Variants in STRN4 observed in about 807,000 individuals in gnomAD.
STRN4 encodes the protein striatin 4.
Under a neutral mutation model 77.9 loss-of-function variants are expected in STRN4, and 27 were observed. The ratio of observed to expected loss-of-function variants is 0.35; its 90% confidence interval spans 0.26 to 0.48. The LOEUF (loss-of-function observed/expected upper bound fraction) is 0.48. Ranked by LOEUF, STRN4 falls within the 20% of genes least tolerant of loss-of-function variation. The pLI, the probability that STRN4 is intolerant of heterozygous loss-of-function variation, is 0.99. For missense variants in STRN4, 798 were observed against 1,049.7 expected (o/e 0.76, Z 3.31); for synonymous variants, 466 against 443.1 (o/e 1.05, Z -0.65).
intron 5 of STRN4, chr19:46,732,823 T>A (rs1438519158): frequency 6.9e-6 from 4 of 576,192 alleles, no homozygotes; most frequent in Non-Finnish European, 1.2e-5. Flanking sequence ...GGGCTGGAGA[T>A]GAGGCCATGG....
rs201621602 is a variant in STRN4 at position 46,722,079 on chromosome 19, C to T, written c.2006-7G>A. The T allele has an allele frequency of 6.1e-5, 99 of 1,612,388 alleles. No individual in the cohort carries two copies. Among genetic ancestry groups the T allele is most frequent in the Non-Finnish European group, 7.9e-5 (93 of 1,180,000 alleles). ...ATGGAGTGCACCGGCTTACCTGAGG[C>T]GAGAAGGGCGGGTGGCAGGTTCCCC... On this transcript the variant is annotated splice_polypyrimidine_tract_variant and splice_region_variant and intron_variant, in intron 15 of 17. Coordinates refer to ENST00000263280, the MANE Select transcript of STRN4 (RefSeq NM_013403.3).
intron 9 of STRN4, 67 bp from the exon 10 acceptor site, chr19:46,725,715 C>T: frequency 1.3e-6 from 2 of 1,566,382 alleles, no homozygotes; most frequent in East Asian, 2.3e-5. Flanking sequence ...ACACCGACAC[C>T]CAGGGCTTGA....
At chr19:46,730,206 A>G (rs1167768098) in intron 6 of STRN4, among the ~76,000 whole-genome samples, 1 of 151,884 alleles carries the variant, frequency 6.6e-6, no homozygotes, top group Non-Finnish European at 1.5e-5. Context: ...CGTGCACACC[A>G]CTCTACTTGG....
intron 1 of STRN4, 87 bp downstream of exon 1, chr19:46,746,062 C>G: frequency 1.2e-5 from 13 of 1,107,390 alleles, no homozygotes; most frequent in East Asian, 4.0e-5. Context: ...GCGGCCATTG[C>G]TCCAAGATGG....
intron 9 of STRN4, 197 bp from the exon 10 acceptor site, chr19:46,725,845 A>C: frequency 2.9e-6 from 2 of 681,348 alleles, no homozygotes; most frequent in East Asian, 5.6e-5. Flanking sequence ...ACAAGTCCCC[A>C]CACTGCGCTG....
chr19:46,745,081 G>A (rs2054553334), intron 1 of STRN4, among the ~76,000 whole-genome samples: 1 of 149,568 alleles, frequency 6.7e-6, no homozygotes, highest in Non-Finnish European at 1.5e-5. Flanking sequence ...GTTGCCTTCG[G>A]GCTCTACAAA....
chr19:46,723,156 T>C lies in STRN4; in HGVS notation c.1723A>G (p.Ser575Gly). Residue 575 changes from serine to glycine, a missense_variant, in exon 13 of 18, where the codon AGC becomes GGC. By Grantham distance (56) the Ser-to-Gly change is moderately conservative. Transcript: ENST00000263280. The surrounding 1 kb of genome is among the most constrained non-coding windows in gnomAD (Gnocchi z 5.5). The stretch of plus-strand genomic sequence containing the variant: ...GTGCAGAGGCAGGCCGGGCTGCTGC[T>C]GCTGGGGTCCCAGATGCGGACGGTG... Reference protein sequence around the residue: ...DGTVRIWDPSSSSPACLCTFP... With the variant: ...DGTVRIWDPSGSSPACLCTFP... The C allele has an allele frequency of 2.6e-6, 4 of 1,566,992 alleles. No individual in the cohort carries two copies. The highest frequency in any genetic ancestry group is 3.5e-6 in the Non-Finnish European group (4 of 1,156,858).
chr19:46,740,720 C>T (rs745770939), intron 1 of STRN4, among the ~76,000 whole-genome samples: 7 of 152,108 alleles, frequency 4.6e-5, no homozygotes, highest in Non-Finnish European at 8.8e-5. Context: ...CCCAGTAAGG[C>T]GCTGGGGAAT....
intron 1 of STRN4, among the ~76,000 whole-genome samples, chr19:46,739,144 T>C (rs1450235552): frequency 6.6e-6 from 1 of 152,092 alleles, no homozygotes; most frequent in East Asian, 1.9e-4. Context: ...GAGATAACAA[T>C]GGGGCCAGCC....
intron 1 of STRN4, 135 bp from the exon 2 acceptor site, chr19:46,739,023 A>C (rs1714517612): frequency 1.4e-6 from 1 of 720,250 alleles, no homozygotes; most frequent in Admixed American, 2.1e-5. Context: ...CCTCAGGCAC[A>C]AAGATCCCAA....
chr19:46,722,966 A>C lies in STRN4; in HGVS notation c.1766-16T>G. On this transcript the variant is annotated splice_polypyrimidine_tract_variant and intron_variant, in intron 13 of 17. Coordinates refer to ENST00000263280, the MANE Select transcript of STRN4 (RefSeq NM_013403.3). ...ACCCCGTGCTCTGAGGGCACAGGGA[A>C]GAGAAGGCTGCTGAATGGACCCTCA... is the stretch of plus-strand genomic sequence containing the variant. 1 of 1,613,332 alleles carries C rather than the reference A, an allele frequency of 6.2e-7. No homozygotes were observed. Among genetic ancestry groups the C allele is most frequent in the Non-Finnish European group, 8.5e-7 (1 of 1,179,808 alleles).
rs1019521143 is a variant in STRN4, at chr19:46,746,407, G to C, written c.24C>G (p.Ala8=). The change falls in exon 1 of 18, where the codon GCC becomes GCG. Residue 8 remains alanine, a synonymous_variant. Transcript: ENST00000263280. MMEERAA[A]AVAAAASSCR... ...AGGAGGAGGCGGCGGCGGCGACCGC[G>C]GCGGCCGCTCGCTCCTCCATCATGG... 1 of 1,050,638 alleles carries C rather than the reference G, an allele frequency of 9.5e-7. No individual in the cohort carries two copies. The highest frequency in any genetic ancestry group is 5.5e-5 in the Admixed American group (1 of 18,134). 65.1% of individuals were successfully genotyped at this position (1,050,638 alleles called of 1,614,324 possible).
chr19:46,721,925 G>T (rs766623235), intron 16 of STRN4, 61 bp downstream of exon 16: 75 of 1,593,220 alleles, frequency 4.7e-5, no homozygotes, highest in Admixed American at 4.2e-4. Flanking sequence ...CCTGGAGCCA[G>T]TGCCCAGGCC....
chr19:46,732,921 A>G, intron 5 of STRN4, 118 bp downstream of exon 5: 1 of 1,229,272 alleles, frequency 8.1e-7, no homozygotes, highest in Non-Finnish European at 1.1e-6. Context: ...AGCCCACGGC[A>G]TACTCCAGGA....
intron 1 of STRN4, chr19:46,745,818 C>A: frequency 4.5e-6 from 1 of 220,620 alleles, no homozygotes; most frequent in Non-Finnish European, 8.9e-6. Flanking sequence ...AGGAGCCCCG[C>A]GGCCAGCGTG....
chr19:46,725,096 C>G (rs919549781), intron 11 of STRN4, among the ~76,000 whole-genome samples, 168 bp from the exon 12 acceptor site: 1 of 152,172 alleles, frequency 6.6e-6, no homozygotes, highest in African/African-American at 2.4e-5. Flanking sequence ...TGCCCTCCCC[C>G]ACCCCACCTC....
intron 1 of STRN4, among the ~76,000 whole-genome samples, chr19:46,744,589 T>A (rs2054539199): frequency 6.6e-6 from 1 of 152,114 alleles, no homozygotes; most frequent in South Asian, 2.1e-4. Context: ...CTTGCTATGT[T>A]GGCCAGGCTG....
intron 6 of STRN4, 65 bp downstream of exon 6, chr19:46,730,667 C>A: frequency 1.3e-6 from 2 of 1,585,920 alleles, no homozygotes; most frequent in Non-Finnish European, 1.7e-6. Context: ...CCCAGGCTGA[C>A]TCGGAAGGGC....
intron 9 of STRN4, chr19:46,726,134 G>C (rs2054107401): frequency 1.2e-5 from 2 of 162,050 alleles, no homozygotes; most frequent in African/African-American, 4.8e-5. Flanking sequence ...GAGGCAGCAA[G>C]GGCGAGCCCA....
Sources: allele counts gnomAD v4.1 joint callset (sites outside exome capture counted in the v4.1 genomes callset), GRCh38; gene constraint gnomAD v4.1.1; non-coding constraint Gnocchi (gnomAD v3.1); transcripts MANE v1.5; gene names NCBI Gene and HGNC (gene_info 2026-07-23, HGNC 2026-07-21).